KCNAB1: variants seen among roughly 807,000 people sequenced by gnomAD.
KCNAB1 encodes potassium voltage-gated channel subfamily A regulatory beta subunit 1.
Under a neutral mutation model 64.6 loss-of-function variants are expected in KCNAB1, and 35 were observed. The observed-to-expected ratio is 0.54, with a 90% CI of 0.41 to 0.72. The LOEUF (loss-of-function observed/expected upper bound fraction) is 0.72. KCNAB1 is among the 30% of genes least tolerant of loss of function. The pLI, the probability that KCNAB1 is intolerant of heterozygous loss-of-function variation, is 0.00. For missense variants in KCNAB1, 401 were observed against 512.9 expected (o/e 0.78, Z 2.11); for synonymous variants, 177 against 183.8 (o/e 0.96, Z 0.30).
chr3:156,193,664 AT>A (rs985463673), intron 1 of KCNAB1, among the ~76,000 whole-genome samples: 2 of 152,126 alleles, frequency 1.3e-5, no homozygotes, highest in African/African-American at 4.8e-5. Flanking sequence ...TTATAAAACC[AT>A]CAGATCTCAT....
intron 1 of KCNAB1, among the ~76,000 whole-genome samples, chr3:156,204,940 A>AT (rs1474877451): frequency 6.6e-6 from 1 of 152,162 alleles, no homozygotes; most frequent in Non-Finnish European, 1.5e-5. Context: ...TGATTTTCTT[A>AT]TTTTTTTAAA....
chr3:156,373,918 C>A (rs754688385), intron 1 of KCNAB1, among the ~76,000 whole-genome samples: 12 of 152,226 alleles, frequency 7.9e-5, no homozygotes, highest in Admixed American at 2.0e-4. Context: ...GGCTCCCCAA[C>A]TGTGTCTGTC....
chr3:156,242,012 C>T (rs1050419446), intron 1 of KCNAB1, among the ~76,000 whole-genome samples: 6 of 152,042 alleles, frequency 3.9e-5, no homozygotes, highest in African/African-American at 1.2e-4. Flanking sequence ...CGGACATCAA[C>T]ACCCTCCTAT....
chr3:156,222,031 A>T (rs573216438), intron 1 of KCNAB1, among the ~76,000 whole-genome samples: 2 of 152,310 alleles, frequency 1.3e-5, no homozygotes, highest in Admixed American at 6.5e-5. Context: ...AAAACAAGGT[A>T]TTCAGGCAAC....
At chr3:156,469,361 A>T (rs1301242968) in intron 7 of KCNAB1, among the ~76,000 whole-genome samples, 1 of 145,546 alleles carries the variant, frequency 6.9e-6, no homozygotes, top group Non-Finnish European at 1.5e-5. Flanking sequence ...GGTTCAAGCG[A>T]TTCTCTTGCC....
chr3:156,335,338 T>G (rs769408617), intron 1 of KCNAB1, among the ~76,000 whole-genome samples: 9 of 152,236 alleles, frequency 5.9e-5, no homozygotes, highest in Non-Finnish European at 1.3e-4. Context: ...CTTTTTCTTC[T>G]GCCTCTAACC....
At position 156,120,753 on chromosome 3, in the gene KCNAB1, AG is replaced by A. The variant is rs1713291433; in HGVS notation, c.143del (p.Ser48IlefsTer21). The A allele has an allele frequency of 6.2e-7, 1 of 1,613,950 alleles. No individual in the cohort carries two copies. The highest frequency in any genetic ancestry group is 2.2e-5 in the East Asian group (1 of 44,878). ...ASENAKDSSLSPSGESQLRAR... is the reference protein window; with the variant it reads ...ASENAKDSSLXPSGESQLRAR... ...AGAAAACGCTAAAGACAGCAGCCTT[AG>A]TCCCTCAGGGGAAAGCCAGCTCAGG... On this transcript the variant is annotated frameshift_variant, in exon 1 of 14. Transcript: ENST00000490337. LOFTEE classifies it high-confidence loss of function.
chr3:156,149,684 C>T (rs75919673), intron 1 of KCNAB1, among the ~76,000 whole-genome samples: 1,784 of 152,240 alleles, frequency 0.012, 38 homozygotes, highest in African/African-American at 0.039. Context: ...CAAAGGGTAA[C>T]GCCATCCTCT....
intron 6 of KCNAB1, among the ~76,000 whole-genome samples, chr3:156,465,018 T>C (rs1386551359): frequency 6.6e-6 from 1 of 152,154 alleles, no homozygotes; most frequent in African/African-American, 2.4e-5. Flanking sequence ...GCCAAAGGTA[T>C]TGATGTTGAA....
At position 156,214,212 on chromosome 3, in the gene KCNAB1, C is replaced by T. The variant is rs983895751; in HGVS notation, c.275+93326C>T. Among the ~76,000 whole-genome samples the T allele has an allele frequency of 5.9e-5, 9 of 152,128 alleles. No homozygotes were observed. In the East Asian group the frequency reaches 1.5e-3, roughly 26 times the overall value. On this transcript the variant is annotated intron_variant, in intron 1 of 13. Coordinates refer to ENST00000490337, the MANE Select transcript of KCNAB1 (RefSeq NM_172160.3). ...TCTTTTTTAGTTTTATGAAATGTTACAGCGAATTATTGAATCTGAGGAGGG... is the reference window on the plus strand; with the variant it reads ...TCTTTTTTAGTTTTATGAAATGTTATAGCGAATTATTGAATCTGAGGAGGG...
intron 1 of KCNAB1, among the ~76,000 whole-genome samples, chr3:156,363,433 T>G (rs1468399839): frequency 6.6e-6 from 1 of 152,198 alleles, no homozygotes; most frequent in African/African-American, 2.4e-5. Flanking sequence ...TATTGCTTAA[T>G]GCAGGAATAA....
chr3:156,444,729 T>G (rs1043290775), intron 2 of KCNAB1, among the ~76,000 whole-genome samples: 4 of 152,220 alleles, frequency 2.6e-5, no homozygotes, highest in Non-Finnish European at 5.9e-5. Context: ...CAGGCCAGAT[T>G]TCTAAGAATT....
At chr3:156,310,042 C>T in intron 1 of KCNAB1, among the ~76,000 whole-genome samples, 1 of 152,160 alleles carries the variant, frequency 6.6e-6, no homozygotes, top group South Asian at 2.1e-4. Context: ...TCAATCTTGG[C>T]ACCATCTCCA....
intron 1 of KCNAB1, chr3:156,291,492 C>G: frequency 9.4e-7 from 1 of 1,059,180 alleles, no homozygotes; most frequent in Non-Finnish European, 1.1e-6. Flanking sequence ...GAAGCGAGCC[C>G]GCATTCAGAC....
intron 1 of KCNAB1, chr3:156,142,990 C>T (rs931620392): frequency 2.3e-6 from 3 of 1,281,706 alleles, no homozygotes; most frequent in African/African-American, 1.5e-5. Flanking sequence ...GGACACACAA[C>T]CAACAGCTCT....
intron 1 of KCNAB1, chr3:156,143,471 GGTT>G (rs1454644070): frequency 1.6e-6 from 2 of 1,255,724 alleles, no homozygotes; most frequent in African/African-American, 3.1e-5. Context: ...TGATGTCAAA[GGTT>G]GTTATTAAAG....
intron 1 of KCNAB1, among the ~76,000 whole-genome samples, chr3:156,415,086 G>A (rs1018843766): frequency 3.3e-5 from 5 of 152,170 alleles, no homozygotes; most frequent in African/African-American, 1.2e-4. Context: ...TATCTGCAAT[G>A]TCTAAGCACA....
intron 1 of KCNAB1, among the ~76,000 whole-genome samples, chr3:156,321,505 T>C (rs1722660680): frequency 6.6e-6 from 1 of 152,266 alleles, no homozygotes; most frequent in South Asian, 2.1e-4. Flanking sequence ...CAAACAGCAC[T>C]GCTCTAGCAT....
intron 8 of KCNAB1, among the ~76,000 whole-genome samples, chr3:156,475,980 A>G (rs1363345672): frequency 1.3e-5 from 2 of 152,182 alleles, no homozygotes; most frequent in Non-Finnish European, 2.9e-5. Context: ...GGAGTTTATT[A>G]TAAAGCAGTA....
Sources: allele counts gnomAD v4.1 joint callset (sites outside exome capture counted in the v4.1 genomes callset), GRCh38; gene constraint gnomAD v4.1.1; transcripts MANE v1.5; gene names NCBI Gene and HGNC (gene_info 2026-07-23, HGNC 2026-07-21).